HRH1: variants seen among roughly 807,000 people sequenced by gnomAD.
HRH1 encodes the protein histamine receptor H1.
A neutral mutation model predicts 10.3 loss-of-function variants in HRH1; 6 were observed. The observed-to-expected ratio is 0.58, with a 90% CI of 0.32 to 1.15. The LOEUF (loss-of-function observed/expected upper bound fraction) is 1.15. HRH1 is among the 50% of genes most tolerant of loss of function. The probability of loss-of-function intolerance (pLI) is 0.05; values close to 1 mark genes in which losing one functional copy is unlikely to be tolerated. For missense variants in HRH1, 514 were observed against 615.3 expected (o/e 0.84, Z 1.74); for synonymous variants, 242 against 236.7 (o/e 1.02, Z -0.21).
intron 1 of HRH1, among the ~76,000 whole-genome samples, chr3:11,223,847 C>G (rs930776813): frequency 1.3e-5 from 2 of 152,162 alleles, no homozygotes; most frequent in African/African-American, 4.8e-5. Context: ...CAAATTCATT[C>G]AACAAATATT....
At chr3:11,244,745 T>C (rs977462673) in intron 1 of HRH1, among the ~76,000 whole-genome samples, 35 of 152,372 alleles carry the variant, frequency 2.3e-4, no homozygotes, top group African/African-American at 7.7e-4. Flanking sequence ...AGGTAACTTG[T>C]TGCATTGTTG....
At chr3:11,144,482 T>TATACCTATAGACATATAGAC (rs1936384136) in intron 1 of HRH1, among the ~76,000 whole-genome samples, 1 of 9,794 alleles carries the variant, frequency 1.0e-4, no homozygotes, top group African/African-American at 3.8e-4. Context: ...GACATATATA[T>TATACCTATAGACATATAGAC]ACACACACAC....
chr3:11,257,798 T>C (rs1939819540), intron 1 of HRH1, among the ~76,000 whole-genome samples: 1 of 151,958 alleles, frequency 6.6e-6, no homozygotes, highest in African/African-American at 2.4e-5. Flanking sequence ...GGACTATAGG[T>C]GTATTATAGG....
At chr3:11,254,923 G>A (rs1348644024) in intron 1 of HRH1, among the ~76,000 whole-genome samples, 1 of 152,176 alleles carries the variant, frequency 6.6e-6, no homozygotes, top group Non-Finnish European at 1.5e-5. Context: ...CATTGGCTGG[G>A]GTTGGACTTC....
intron 1 of HRH1, among the ~76,000 whole-genome samples, chr3:11,233,946 G>A (rs549920952): frequency 1.3e-5 from 2 of 152,274 alleles, no homozygotes; most frequent in South Asian, 2.1e-4. Flanking sequence ...ACCTTCCTGG[G>A]TAATGGTTTT....
At chr3:11,189,455 A>C (rs1478245821) in intron 1 of HRH1, among the ~76,000 whole-genome samples, 1 of 152,224 alleles carries the variant, frequency 6.6e-6, no homozygotes, top group East Asian at 1.9e-4. Context: ...GTCCTCAGTC[A>C]GTAGTGGTCA....
At chr3:11,237,350 G>C (rs1377136216) in intron 1 of HRH1, among the ~76,000 whole-genome samples, 1 of 152,110 alleles carries the variant, frequency 6.6e-6, no homozygotes, top group Non-Finnish European at 1.5e-5. Context: ...TCTTCACAAT[G>C]GAAAAGAGGA....
rs570325828 is a variant in HRH1, at chr3:11,248,907, G to A, written c.-35-10096G>A. On this transcript the variant is annotated intron_variant, in intron 1 of 1. Coordinates refer to ENST00000431010, the MANE Select transcript of HRH1 (RefSeq NM_001098212.2). The stretch of plus-strand genomic sequence containing the variant: ...TCCAAGTGGGAAGGGGACAATTTGG[G>A]TTTCTGGCCTACCTGTCGCACAAGC... 5.9e-5 allele frequency among the ~76,000 whole-genome samples: 9 copies of A among 152,296 alleles called. No homozygotes were observed. In the South Asian group the frequency reaches 1.7e-3, roughly 28 times the overall value.
At chr3:11,223,084 C>G (rs541617857) in intron 1 of HRH1, among the ~76,000 whole-genome samples, 1 of 146,326 alleles carries the variant, frequency 6.8e-6, no homozygotes, top group Non-Finnish European at 1.5e-5. Context: ...ACTCAGGAAG[C>G]TGCGGCAGGA....
chr3:11,194,341 A>T (rs1012323450), intron 1 of HRH1, among the ~76,000 whole-genome samples: 2 of 152,188 alleles, frequency 1.3e-5, no homozygotes, highest in Non-Finnish European at 2.9e-5. Context: ...TAGGAATAAC[A>T]ATTCCCACCC....
At chr3:11,227,268 C>T (rs912515294) in intron 1 of HRH1, among the ~76,000 whole-genome samples, 2 of 151,768 alleles carry the variant, frequency 1.3e-5, no homozygotes, top group African/African-American at 4.8e-5. Context: ...TGCCATTTGC[C>T]TATGGGGTGA....
intron 1 of HRH1, among the ~76,000 whole-genome samples, chr3:11,231,578 C>T (rs140788565): frequency 0.012 from 1,752 of 152,304 alleles, 124 homozygotes; most frequent in Admixed American, 0.1. Flanking sequence ...TTGCACTTCT[C>T]TGATGGCTAG....
At chr3:11,251,948 G>A (rs931825169) in intron 1 of HRH1, among the ~76,000 whole-genome samples, 12 of 152,332 alleles carry the variant, frequency 7.9e-5, no homozygotes, top group Admixed American at 3.9e-4. Context: ...GGAAGCCTAC[G>A]GGTTGGGAGT....
At chr3:11,220,296 C>T (rs1042303127) in intron 1 of HRH1, among the ~76,000 whole-genome samples, 1 of 152,202 alleles carries the variant, frequency 6.6e-6, no homozygotes, top group Non-Finnish European at 1.5e-5. Context: ...CTGTCAGCTC[C>T]AACCCTGACT....
In HRH1 at chr3:11,259,840, G is replaced by A. The variant is rs1939892987; in HGVS notation, c.803G>A (p.Gly268Asp). The part of the protein sequence containing the change: ...EVLKRKPKDA[G>D]GGSVLKSPSQ... The stretch of plus-strand genomic sequence containing the variant: ...CTGAAAAGGAAGCCAAAAGATGCTG[G>A]TGGTGGATCTGTCTTGAAGTCACCA... The change falls in exon 2 of 2, where the codon GGT becomes GAT. Residue 268 changes from glycine to aspartate, a missense_variant. Transcript: ENST00000431010. The surrounding 1 kb of genome is among the most constrained non-coding windows in gnomAD (Gnocchi z 4.6). 6.2e-7 allele frequency: 1 copy of A among 1,614,092 alleles called. No individual in the cohort carries two copies. Among genetic ancestry groups the A allele is most frequent in the Non-Finnish European group, 8.5e-7 (1 of 1,180,018 alleles).
chr3:11,229,360 G>C (rs557941020), intron 1 of HRH1, among the ~76,000 whole-genome samples: 2 of 152,276 alleles, frequency 1.3e-5, no homozygotes, highest in African/African-American at 4.8e-5. Context: ...GGAGTGCTGT[G>C]GGTCAAAATA....
intron 1 of HRH1, chr3:11,252,995 T>C (rs1000794286): frequency 6.6e-6 from 1 of 152,144 alleles, no homozygotes; most frequent in Admixed American, 6.5e-5. Flanking sequence ...AAGCCTAATT[T>C]TAGTATTAAA....
intron 1 of HRH1, among the ~76,000 whole-genome samples, chr3:11,155,626 AC>A (rs932605875): frequency 6.6e-6 from 1 of 152,186 alleles, no homozygotes; most frequent in African/African-American, 2.4e-5. Flanking sequence ...CCTGGAGCAG[AC>A]AAGACGAGGC....
upstream of HRH1, among the ~76,000 whole-genome samples, chr3:11,153,758 C>A (rs1936707002): frequency 6.6e-6 from 1 of 152,150 alleles, no homozygotes; most frequent in South Asian, 2.1e-4. Flanking sequence ...AGGGGCCTCA[C>A]CCCCACCCCA....
Sources: allele counts gnomAD v4.1 joint callset (sites outside exome capture counted in the v4.1 genomes callset), GRCh38; gene constraint gnomAD v4.1.1; non-coding constraint Gnocchi (gnomAD v3.1); transcripts MANE v1.5; gene names NCBI Gene and HGNC (gene_info 2026-07-23, HGNC 2026-07-21).